The following RORA variants were observed in gnomAD, a reference collection of about 807,000 sequenced individuals.
RORA encodes nuclear receptor ROR-alpha.
RORA carries 7 observed loss-of-function variants against 69.5 expected under a neutral mutation model. The observed-to-expected ratio is 0.10, with a 90% CI of 0.06 to 0.19. The LOEUF (loss-of-function observed/expected upper bound fraction) is 0.19. Among genes scored for constraint, RORA ranks in the 10% least tolerant of loss-of-function variants. The pLI is 1.00. For synonymous variants in RORA, 261 were observed against 240.8 expected, an observed-to-expected ratio of 1.08 and a Z score of -0.78; for missense variants, 457 against 663.0, an observed-to-expected ratio of 0.69 and a Z score of 3.41.
intron 3 of RORA, among the ~76,000 whole-genome samples, chr15:60,518,660 C>A (rs1030368849): frequency 2.0e-5 from 3 of 152,226 alleles, no homozygotes; most frequent in African/African-American, 7.2e-5. Flanking sequence ...TTAGGGACAG[C>A]CCCTACCTCC....
chr15:60,649,311 T>C (rs2070106112), intron 2 of RORA, among the ~76,000 whole-genome samples: 1 of 152,012 alleles, frequency 6.6e-6, no homozygotes, highest in Non-Finnish European at 1.5e-5. Flanking sequence ...CTTGTGTTCA[T>C]GGCTGCAGAC....
chr15:60,898,520 T>TAAAC (rs1432058899), intron 1 of RORA, among the ~76,000 whole-genome samples: 4 of 125,830 alleles, frequency 3.2e-5, no homozygotes, highest in African/African-American at 1.1e-4. Context: ...AATAAATAAA[T>TAAAC]AAATAAATAA....
In RORA at chr15:60,847,113, A is replaced by T. The variant is rs145820114; in HGVS notation, c.167-168427T>A. Among the ~76,000 whole-genome samples the T allele has an allele frequency of 4.6e-5, 7 of 152,102 alleles. No homozygotes were observed. In the East Asian group the frequency reaches 1.4e-3, roughly 29 times the overall value. ...TGATACCCTCTCATTGCTTCATTGA[A>T]TTTTTCCTGTTCTTAACCTCTGCCC... On this transcript the variant is annotated intron_variant, in intron 1 of 10. Transcript: ENST00000335670.
At chr15:60,927,930 G>C (rs1892263998) in intron 1 of RORA, among the ~76,000 whole-genome samples, 1 of 152,178 alleles carries the variant, frequency 6.6e-6, no homozygotes, top group Non-Finnish European at 1.5e-5. Flanking sequence ...GACAGTGTCT[G>C]GATTAGAACC....
chr15:60,704,066 T>G (rs897365580), intron 1 of RORA, among the ~76,000 whole-genome samples: 1 of 152,232 alleles, frequency 6.6e-6, no homozygotes, highest in African/African-American at 2.4e-5. Flanking sequence ...CTAAAACTGC[T>G]TTCAAAAAAC....
At chr15:60,792,541 G>C (rs747370817) in intron 1 of RORA, among the ~76,000 whole-genome samples, 1 of 152,026 alleles carries the variant, frequency 6.6e-6, no homozygotes, top group Non-Finnish European at 1.5e-5. Context: ...AAGATAAAGA[G>C]AACATCAAAA....
At chr15:60,543,817 A>C (rs1211958193) in intron 2 of RORA, among the ~76,000 whole-genome samples, 3 of 152,188 alleles carry the variant, frequency 2.0e-5, no homozygotes, top group Non-Finnish European at 4.4e-5. Flanking sequence ...TGAGGGAACT[A>C]TCAGAAGAAT....
chr15:60,822,217 A>G (rs989971948), intron 1 of RORA, among the ~76,000 whole-genome samples: 6 of 152,172 alleles, frequency 3.9e-5, no homozygotes, highest in African/African-American at 1.4e-4. Context: ...TAAAAGAAGC[A>G]TAGTTATCTC....
chr15:60,788,043 G>A (rs1007861328), intron 1 of RORA, among the ~76,000 whole-genome samples: 3 of 152,228 alleles, frequency 2.0e-5, no homozygotes, highest in African/African-American at 7.2e-5. Context: ...GGTCTATGAA[G>A]GAGAAGTACA....
chr15:60,826,193 A>G (rs1331786765), intron 1 of RORA, among the ~76,000 whole-genome samples: 1 of 152,202 alleles, frequency 6.6e-6, no homozygotes, highest in Non-Finnish European at 1.5e-5. Flanking sequence ...ATCATGTCCT[A>G]GTACTGGCAC....
chr15:60,947,688 T>TAAAAAAAAAAAAAAAAAAAAAAAAAAA (rs35887206), intron 1 of RORA, among the ~76,000 whole-genome samples: 1 of 102,950 alleles, frequency 9.7e-6, no homozygotes, highest in Non-Finnish European at 1.8e-5. Context: ...GAATGATCAA[T>TAAAAAAAAAAAAAAAAAAAAAAAAAAA]AAAAAAAAAA....
intron 1 of RORA, among the ~76,000 whole-genome samples, chr15:61,040,482 T>A (rs890271865): frequency 1.3e-5 from 2 of 152,072 alleles, no homozygotes; most frequent in African/African-American, 4.8e-5. Flanking sequence ...CTACATGTAA[T>A]ACTGATCTTT....
intron 1 of RORA, among the ~76,000 whole-genome samples, chr15:60,851,096 G>A (rs916814903): frequency 6.6e-6 from 1 of 152,142 alleles, no homozygotes; most frequent in Non-Finnish European, 1.5e-5. Flanking sequence ...AGCGCTTTGC[G>A]AGGTGGACCA....
chr15:61,226,761 T>A lies in RORA; in HGVS notation c.166+2292A>T, dbSNP rs1275270976. Among the ~76,000 whole-genome samples, 1 of 152,102 alleles carries A rather than the reference T, an allele frequency of 6.6e-6. No individual in the cohort carries two copies. Among genetic ancestry groups the A allele is most frequent in the African/African-American group, 2.4e-5 (1 of 41,418 alleles). On this transcript the variant is annotated intron_variant, in intron 1 of 10. Transcript: ENST00000335670. This position sits in a 1 kb window ranked among gnomAD's most constrained non-coding sequence, Gnocchi z 4.2. ...TCCTTTTTCCATTCAGACTGTTATA[T>A]AACCTAGTGCCTGCGTGCAGGATGT... is the stretch of plus-strand genomic sequence containing the variant.
intron 1 of RORA, among the ~76,000 whole-genome samples, chr15:61,189,868 A>AAAAAAAAAAAAAAAAAAAAAAG (rs2079780246): frequency 6.7e-6 from 1 of 149,146 alleles, no homozygotes; most frequent in African/African-American, 2.4e-5. Flanking sequence ...AAAAAAAAAA[A>AAAAAAAAAAAAAAAAAAAAAAG]AAAAAAAAAA....
At chr15:61,217,261 T>G (rs7175393) in intron 1 of RORA, among the ~76,000 whole-genome samples, 1 of 152,040 alleles carries the variant, frequency 6.6e-6, no homozygotes, top group East Asian at 1.9e-4. Flanking sequence ...GGCTCATACC[T>G]GGAAAATAAC....
At chr15:61,098,671 G>C (rs2078834038) in intron 1 of RORA, among the ~76,000 whole-genome samples, 1 of 152,154 alleles carries the variant, frequency 6.6e-6, no homozygotes, top group Non-Finnish European at 1.5e-5. Context: ...GCTGTAAAGG[G>C]CTTCCATGTA....
chr15:60,928,875 C>G (rs1050780219), intron 1 of RORA, among the ~76,000 whole-genome samples: 2 of 152,184 alleles, frequency 1.3e-5, no homozygotes, highest in African/African-American at 4.8e-5. Context: ...GGCTGGGGCA[C>G]CAGGTGTACA....
chr15:60,837,214 C>A (rs1221779317), intron 1 of RORA, among the ~76,000 whole-genome samples: 2 of 152,016 alleles, frequency 1.3e-5, no homozygotes, highest in African/African-American at 2.4e-5. Context: ...TGTCTTTGGC[C>A]CTTCCTTCCT....
Sources: gnomAD v4.1 joint callset for allele counts (sites outside exome capture counted in the v4.1 genomes callset) on GRCh38, gnomAD v4.1.1 for gene constraint, Gnocchi (gnomAD v3.1) non-coding constraint, MANE v1.5 for transcripts, NCBI Gene and HGNC (gene_info 2026-07-23, HGNC 2026-07-21) for gene names.